The following TEX2 variants were observed in gnomAD, a reference collection of about 807,000 sequenced individuals.
TEX2 encodes the protein testis-expressed protein 2.
TEX2 carries 53 observed loss-of-function variants against 106.9 expected under a neutral mutation model. That is an observed-to-expected ratio of 0.50 (90% CI 0.40 to 0.62). The LOEUF (loss-of-function observed/expected upper bound fraction) is 0.62. Ranked by LOEUF, TEX2 falls within the 20% of genes least tolerant of loss-of-function variation. The pLI, the probability that TEX2 is intolerant of heterozygous loss-of-function variation, is 0.00. For missense variants in TEX2, 1,207 were observed against 1,379.0 expected, an observed-to-expected ratio of 0.88 and a Z score of 1.98; for synonymous variants, 523 against 534.8, an observed-to-expected ratio of 0.98 and a Z score of 0.30.
In TEX2 at chr17:64,171,150, A is replaced by G. The variant is rs755765619; in HGVS notation, c.2621T>C (p.Val874Ala). 9 of 1,614,112 alleles carry G rather than the reference A, an allele frequency of 5.6e-6. No homozygotes were observed. In the South Asian group the frequency reaches 8.8e-5, roughly 16 times the overall value. The part of the protein sequence containing the change: ...ELTLTELDMG[V>A]AVPKILQAFK... ...GGCCTGGAGGATTTTTGGCACAGCC[A>G]CGCCCATGTCAAGTTCCGTCAGAGT... Residue 874 changes from valine (V) to alanine (A), a missense_variant, in exon 7 of 12, where the codon GTG becomes GCG. Around this residue, in one of 3 missense-constraint regions of TEX2, gnomAD observed 1,067 missense variants for 1,193.6 expected, o/e 0.89. Coordinates refer to ENST00000584379, the MANE Select transcript of TEX2 (RefSeq NM_001288732.2).
intron 8 of TEX2, among the ~76,000 whole-genome samples, chr17:64,160,168 T>C (rs552488298): frequency 3.3e-5 from 5 of 152,310 alleles, no homozygotes; most frequent in South Asian, 2.1e-4. Flanking sequence ...ATGTAAAAGT[T>C]CCAGTTTATC....
At chr17:64,169,008 T>A (rs2031274929) in intron 7 of TEX2, among the ~76,000 whole-genome samples, 1 of 149,154 alleles carries the variant, frequency 6.7e-6, no homozygotes, top group Non-Finnish European at 1.5e-5. Context: ...CGAGGTTACA[T>A]CTTCATCTTA....
rs1235086285 is a variant in TEX2 at position 64,217,300 on chromosome 17, T to C, written c.-25-3058A>G. 2.0e-5 allele frequency among the ~76,000 whole-genome samples: 3 copies of C among 152,164 alleles called. No homozygotes were observed. The highest frequency in any genetic ancestry group is 4.4e-5 in the Non-Finnish European group (3 of 68,024). On this transcript the variant is annotated intron_variant, in intron 1 of 11. Transcript: ENST00000584379. The surrounding 1 kb of genome is among the most constrained non-coding windows in gnomAD (Gnocchi z 4.3). ...CCAGTGGCTGGCTGCTAAGGCCAAC[T>C]GAGCCGACCCTCCCACAGCCACAGC...
chr17:64,236,093 C>A (rs369331902), intron 1 of TEX2, among the ~76,000 whole-genome samples: 1 of 151,982 alleles, frequency 6.6e-6, no homozygotes, highest in Admixed American at 6.6e-5. Flanking sequence ...GCTTAAGGTA[C>A]AGCCGGCTCT....
intron 5 of TEX2, among the ~76,000 whole-genome samples, chr17:64,180,701 T>C (rs985866912): frequency 6.6e-6 from 1 of 152,258 alleles, no homozygotes; most frequent in Admixed American, 6.5e-5. Flanking sequence ...ATGGTAACTT[T>C]CCAAAAATGG....
At chr17:64,228,963 CACACACA>C (rs1555634270) in intron 1 of TEX2, among the ~76,000 whole-genome samples, 15 of 100,138 alleles carry the variant, frequency 1.5e-4, no homozygotes, top group Non-Finnish European at 3.0e-4. Flanking sequence ...CACACACACA[CACACACA>C]CCTTTTCTAC....
At chr17:64,256,488 C>G (rs573173098) in intron 1 of TEX2, among the ~76,000 whole-genome samples, 2 of 152,326 alleles carry the variant, frequency 1.3e-5, no homozygotes, top group South Asian at 4.2e-4. Flanking sequence ...CCCCTCTGCA[C>G]AGCAGCCAGA....
At chr17:64,155,062 A>C in intron 8 of TEX2, 95 bp from the exon 9 acceptor site, 3 of 1,358,266 alleles carry the variant, frequency 2.2e-6, no homozygotes, top group Non-Finnish European at 2.9e-6. Context: ...CTCAACCACA[A>C]CAGGGTCGGG....
chr17:64,192,051 T>C (rs535919797), intron 4 of TEX2, among the ~76,000 whole-genome samples: 2 of 152,262 alleles, frequency 1.3e-5, no homozygotes, highest in South Asian at 4.2e-4. Context: ...ACACTTCAAG[T>C]GTTCAAAAGC....
intron 6 of TEX2, among the ~76,000 whole-genome samples, chr17:64,175,173 G>A (rs544283898): frequency 7.2e-5 from 11 of 152,316 alleles, no homozygotes; most frequent in South Asian, 4.1e-4. Flanking sequence ...TCGTAGGGGC[G>A]GTGACAGCTT....
intron 4 of TEX2, among the ~76,000 whole-genome samples, chr17:64,192,965 G>T (rs2032348684): frequency 6.6e-6 from 1 of 152,150 alleles, no homozygotes; most frequent in Non-Finnish European, 1.5e-5. Context: ...GGCAATTTGT[G>T]AACACCTGAC....
chr17:64,175,834 G>A (rs2031595544), intron 6 of TEX2, among the ~76,000 whole-genome samples: 1 of 152,222 alleles, frequency 6.6e-6, no homozygotes, highest in South Asian at 2.1e-4. Context: ...GCCAAGAACT[G>A]CAGCCCTGCT....
chr17:64,204,131 A>C (rs1335070574), intron 2 of TEX2, among the ~76,000 whole-genome samples: 6 of 152,250 alleles, frequency 3.9e-5, no homozygotes, highest in African/African-American at 1.4e-4. Context: ...GCAAGCAAAT[A>C]AATTAGCAGC....
At chr17:64,194,495 C>A (rs1297414558) in intron 3 of TEX2, among the ~76,000 whole-genome samples, 1 of 150,070 alleles carries the variant, frequency 6.7e-6, no homozygotes, top group Admixed American at 6.8e-5. Context: ...ATCATTTGCA[C>A]ATGTACAAAG....
intron 5 of TEX2, among the ~76,000 whole-genome samples, chr17:64,182,295 G>A (rs147592991): frequency 0.02 from 3,113 of 152,236 alleles, 50 homozygotes; most frequent in South Asian, 0.098. Flanking sequence ...GAGAGACAGG[G>A]AATGGTGGTT....
At chr17:64,161,028 T>C in intron 7 of TEX2, 95 bp from the exon 8 acceptor site, 1 of 1,359,898 alleles carries the variant, frequency 7.4e-7, no homozygotes, top group Non-Finnish European at 1.0e-6. Context: ...ATAGGCACCA[T>C]ACTGAAAGTC....
rs968646515 is a variant in TEX2, at chr17:64,171,114, T to C, written c.2657A>G (p.Tyr886Cys). The stretch of plus-strand genomic sequence containing the variant: ...TTAGGAGTTACCTTGGTGATCAACG[T>C]AAGGCTTGAAGGCCTGGAGGATTTT... Reference protein sequence around the residue: ...VPKILQAFKPYVDHQGLWIDL... With the variant: ...VPKILQAFKPCVDHQGLWIDL... The change falls in exon 7 of 12, where the codon TAC becomes TGC. Residue 886 changes from tyrosine to cysteine, a missense_variant. Transcript: ENST00000584379. 2 of 1,614,082 alleles carry C rather than the reference T, an allele frequency of 1.2e-6. No homozygotes were observed.
At chr17:64,251,510 G>A (rs1346377320) in intron 1 of TEX2, among the ~76,000 whole-genome samples, 4 of 152,228 alleles carry the variant, frequency 2.6e-5, no homozygotes, top group African/African-American at 9.7e-5. Context: ...TGGGGAACCA[G>A]TCCCTTCCTT....
At chr17:64,179,180 T>C (rs889635948) in intron 5 of TEX2, among the ~76,000 whole-genome samples, 25 of 152,090 alleles carry the variant, frequency 1.6e-4, no homozygotes, top group African/African-American at 6.0e-4. Flanking sequence ...TCTGTAAAAA[T>C]GTACCAATCA....
Sources: allele counts gnomAD v4.1 joint callset (sites outside exome capture counted in the v4.1 genomes callset), GRCh38; gene constraint gnomAD v4.1.1; regional missense constraint gnomAD v4.1.1; non-coding constraint Gnocchi (gnomAD v3.1); transcripts MANE v1.5; gene names NCBI Gene and HGNC (gene_info 2026-07-23, HGNC 2026-07-21).